BCL9: variants seen among roughly 807,000 people sequenced by gnomAD.
The protein encoded by BCL9 is BCL9 transcription coactivator.
Under a neutral mutation model 88.5 loss-of-function variants are expected in BCL9, and 25 were observed. That is an observed-to-expected ratio of 0.28 (90% CI 0.21 to 0.39). The LOEUF (loss-of-function observed/expected upper bound fraction) is 0.39, where lower values mean the gene tolerates loss of function less well. BCL9 is among the 10% of genes least tolerant of loss of function. BCL9 has a pLI of 1.00. For synonymous variants in BCL9, 711 were observed against 673.3 expected, an observed-to-expected ratio of 1.06 and a Z score of -0.87; for missense variants, 1,817 against 1,877.8, an observed-to-expected ratio of 0.97 and a Z score of 0.60.
At chr1:147,571,137 A>T (rs1309853119) in intron 1 of BCL9, among the ~76,000 whole-genome samples, 2 of 152,124 alleles carry the variant, frequency 1.3e-5, no homozygotes, top group Non-Finnish European at 2.9e-5. Flanking sequence ...TCAGGAGGTA[A>T]TAGCTCATTG....
intron 1 of BCL9, among the ~76,000 whole-genome samples, chr1:147,595,243 A>G (rs1656996282): frequency 6.6e-6 from 1 of 152,254 alleles, no homozygotes; most frequent in Non-Finnish European, 1.5e-5. Context: ...GTGAAGGTAC[A>G]TCTTAGCATT....
chr1:147,544,227 T>C (rs1427215013), intron 1 of BCL9, among the ~76,000 whole-genome samples: 1 of 152,212 alleles, frequency 6.6e-6, no homozygotes, highest in Non-Finnish European at 1.5e-5. Context: ...GCAAGTATTA[T>C]GACGGAGTGC....
At chr1:147,590,253 CT>C (rs1656790287) in intron 1 of BCL9, among the ~76,000 whole-genome samples, 1 of 152,176 alleles carries the variant, frequency 6.6e-6, no homozygotes, top group African/African-American at 2.4e-5. Context: ...CACACTGCCC[CT>C]GCTTTCCACC....
intron 8 of BCL9, 142 bp from the exon 9 acceptor site, chr1:147,622,129 A>G (rs1003703325): frequency 1.3e-5 from 16 of 1,194,474 alleles, no homozygotes; most frequent in Non-Finnish European, 1.8e-5. Flanking sequence ...TAGAAGATTG[A>G]TGATTTGTGT....
At chr1:147,577,792 C>T (rs1557834023) in intron 1 of BCL9, among the ~76,000 whole-genome samples, 1 of 150,958 alleles carries the variant, frequency 6.6e-6, no homozygotes, top group Non-Finnish European at 1.5e-5. Context: ...TCCGAGTCTA[C>T]CATCCAAGCT....
In BCL9 at chr1:147,620,785, G is replaced by A. The variant is rs1553205177; in HGVS notation, c.2630G>A (p.Gly877Asp). The A allele has an allele frequency of 3.1e-6, 5 of 1,614,074 alleles. No homozygotes were observed. The highest frequency in any genetic ancestry group is 1.7e-6 in the Non-Finnish European group (2 of 1,180,022). Residue 877 changes from glycine to aspartate, a missense_variant, in exon 8 of 10, where the codon GGC becomes GAC. Physicochemically the swap from Gly to Asp is moderately conservative, Grantham distance 94. Around this residue, in one of 2 missense-constraint regions of BCL9, gnomAD observed 1,228 missense variants for 1,191.6 expected, o/e 1.03. Coordinates refer to ENST00000234739, the MANE Select transcript of BCL9 (RefSeq NM_004326.4). Reference protein sequence around the residue: ...TMHQVQSPMLGSPSGNLKSPQ... With the variant: ...TMHQVQSPMLDSPSGNLKSPQ... Reference sequence around the variant, plus strand: ...CACCAAGTCCAGTCACCAATGCTGGGCTCGCCCTCGGGGAACCTCAAGTCC... The same window carrying A: ...CACCAAGTCCAGTCACCAATGCTGGACTCGCCCTCGGGGAACCTCAAGTCC...
Position 147,624,477 on chromosome 1 carries a change from G to C in BCL9, c.3799G>C (p.Gly1267Arg). ...VPGRKQPQGP[G>R]PGFSHMQGMM... ...AGGCCGTAAACAGCCCCAGGGTCCT[G>C]GACCTGGGTTTTCACACATGCAGGG... The change falls in exon 10 of 10, where the codon GGA becomes CGA. Residue 1267 changes from glycine to arginine, a missense_variant. Physicochemically the swap from Gly to Arg is moderately radical, Grantham distance 125. Coordinates refer to ENST00000234739, the MANE Select transcript of BCL9 (RefSeq NM_004326.4). This position sits in a 1 kb window ranked among gnomAD's most constrained non-coding sequence, Gnocchi z 4.4. 6.2e-7 allele frequency: 1 copy of C among 1,614,230 alleles called. No individual in the cohort carries two copies. Among genetic ancestry groups the C allele is most frequent in the Non-Finnish European group, 8.5e-7 (1 of 1,180,030 alleles).
intron 1 of BCL9, among the ~76,000 whole-genome samples, chr1:147,565,441 T>C (rs966618920): frequency 1.3e-5 from 2 of 152,252 alleles, no homozygotes; most frequent in African/African-American, 4.8e-5. Context: ...TACAATTTGC[T>C]AGCTGTTATC....
At chr1:147,612,550 T>G (rs1553202766) in intron 4 of BCL9, among the ~76,000 whole-genome samples, 5 of 152,184 alleles carry the variant, frequency 3.3e-5, no homozygotes, top group Non-Finnish European at 1.5e-5. Context: ...CGATGCCTGT[T>G]TGTTTACTCT....
chr1:147,581,280 C>G (rs1272204986), intron 1 of BCL9, among the ~76,000 whole-genome samples: 2 of 152,114 alleles, frequency 1.3e-5, no homozygotes, highest in African/African-American at 4.8e-5. Context: ...CAGTAAACTC[C>G]CAAAATGACA....
Position 147,618,866 on chromosome 1 carries a change from G to A in BCL9, c.711G>A (p.Gln237=), listed in dbSNP as rs191990446. The change falls in exon 8 of 10, where the codon CAG becomes CAA. Residue 237 remains glutamine, a synonymous_variant. Transcript: ENST00000234739. ...LRNDPKPLPQ[Q]PPAPANQDQN... ...ATGATCCGAAACCTCTCCCACAACA[G>A]CCCCCAGCTCCGGCCAACCAGGACC... The A allele has an allele frequency of 6.9e-6, 11 of 1,598,292 alleles. No homozygotes were observed. Among genetic ancestry groups the A allele is most frequent in the Non-Finnish European group, 9.4e-6 (11 of 1,172,958 alleles).
chr1:147,622,528 C>T lies in BCL9; in HGVS notation c.3160C>T (p.Pro1054Ser). 1 of 1,614,042 alleles carries T rather than the reference C, an allele frequency of 6.2e-7. No individual in the cohort carries two copies. The highest frequency in any genetic ancestry group is 8.5e-7 in the Non-Finnish European group (1 of 1,179,942). The stretch of plus-strand genomic sequence containing the variant: ...CAACTTGCCATCAATGAATAATATG[C>T]CAGGTAAGAAATCAGAAAGGCAGGT... ...SPNLPSMNNM[P>S]GMGINTQNPR... is the part of the protein sequence containing the mutation. The change falls in exon 9 of 10, where the codon CCA (proline) becomes TCA (serine). Residue 1054 changes from proline to serine, a missense_variant. Pro to Ser is a moderately conservative substitution (Grantham distance 74, BLOSUM62 -1). Coordinates refer to ENST00000234739, the MANE Select transcript of BCL9 (RefSeq NM_004326.4).
chr1:147,572,229 C>G (rs910553895), intron 1 of BCL9, among the ~76,000 whole-genome samples: 1 of 152,070 alleles, frequency 6.6e-6, no homozygotes, highest in Non-Finnish European at 1.5e-5. Flanking sequence ...GCAAGTAGAG[C>G]GAGACTCCGT....
chr1:147,590,285 A>G (rs1245332797), intron 1 of BCL9, among the ~76,000 whole-genome samples: 1 of 152,190 alleles, frequency 6.6e-6, no homozygotes, highest in Non-Finnish European at 1.5e-5. Flanking sequence ...CTAGAAACCA[A>G]ACTTACACTA....
At chr1:147,575,932 C>G (rs1656089844) in intron 1 of BCL9, among the ~76,000 whole-genome samples, 1 of 152,048 alleles carries the variant, frequency 6.6e-6, no homozygotes, top group Non-Finnish European at 1.5e-5. Flanking sequence ...TCAGTGATTC[C>G]CAGCTGTGGT....
chr1:147,600,874 TTGTGGGGGTCTTGGGACAC>T (rs1324597072), intron 1 of BCL9, among the ~76,000 whole-genome samples: 2 of 152,042 alleles, frequency 1.3e-5, no homozygotes, highest in African/African-American at 4.8e-5. Flanking sequence ...CACTGAGTCA[TTGTGGGGGTCTTGGGACAC>T]ACCAGTGATT....
chr1:147,600,792 A>AG (rs1229087113), intron 1 of BCL9, among the ~76,000 whole-genome samples: 151,816 of 151,818 alleles, frequency 1, 75,907 homozygotes, highest in Middle Eastern at 1. Flanking sequence ...GTTGAAGGGT[A>AG]GGGGAGGTGG....
chr1:147,596,664 C>T (rs998478696), intron 1 of BCL9, among the ~76,000 whole-genome samples: 10 of 152,086 alleles, frequency 6.6e-5, no homozygotes, highest in Non-Finnish European at 2.9e-5. Context: ...CCGCCCGCCT[C>T]GGCCTCCCAG....
At chr1:147,582,898 A>G (rs1656430014) in intron 1 of BCL9, among the ~76,000 whole-genome samples, 1 of 152,182 alleles carries the variant, frequency 6.6e-6, no homozygotes, top group Non-Finnish European at 1.5e-5. Context: ...TGCATATGAG[A>G]GTGTTCATTT....
Sources: gnomAD v4.1 joint callset for allele counts (sites outside exome capture counted in the v4.1 genomes callset) on GRCh38, gnomAD v4.1.1 for gene constraint, gnomAD v4.1.1 regional missense constraint, Gnocchi (gnomAD v3.1) non-coding constraint, MANE v1.5 for transcripts, NCBI Gene and HGNC (gene_info 2026-07-23, HGNC 2026-07-21) for gene names.